The following STAB2 variants were observed in gnomAD, a reference collection of about 807,000 sequenced individuals.
STAB2 encodes stabilin-2.
A neutral mutation model predicts 338.1 loss-of-function variants in STAB2; 288 were observed. The ratio of observed to expected loss-of-function variants is 0.85; its 90% CI spans 0.77 to 0.94. The LOEUF is 0.94. Ranked by LOEUF, STAB2 falls within the 40% of genes least tolerant of loss-of-function variation. The pLI, the probability that STAB2 is intolerant of heterozygous loss-of-function variation, is 0.00. For synonymous variants in STAB2, 1,202 were observed against 1,193.3 expected, an observed-to-expected ratio of 1.01 and a Z score of -0.15; for missense variants, 3,141 against 3,210.1, an observed-to-expected ratio of 0.98 and a Z score of 0.52.
chr12:103,735,574 G>A lies in STAB2; in HGVS notation c.5544G>A (p.Arg1848=), dbSNP rs1419960307. ...SELSVKCGAG[R]DIGDLFLNGQ... ...TGAGTGTGAAATGTGGAGCTGGCAG[G>A]GACATCGTGAGTATCATCATGAAGG... is the stretch of plus-strand genomic sequence containing the variant. The change falls in exon 52 of 69, where the codon AGG becomes AGA. Residue 1848 remains arginine (R), a synonymous_variant. Transcript: ENST00000388887. 15 of 1,605,734 alleles carry A rather than the reference G, an allele frequency of 9.3e-6. No homozygotes were observed. In the Admixed American group the frequency reaches 2.5e-4, roughly 27 times the overall value.
At chr12:103,718,354 A>G (rs1593278755) in intron 44 of STAB2, among the ~76,000 whole-genome samples, 1 of 152,094 alleles carries the variant, frequency 6.6e-6, no homozygotes, top group Non-Finnish European at 1.5e-5. Flanking sequence ...ACTACCCTCC[A>G]TGGCCCCTAC....
At chr12:103,688,344 C>T (rs74810517) in intron 28 of STAB2, 129 bp downstream of exon 28, 10,839 of 887,050 alleles carry the variant, frequency 0.012, 414 homozygotes, top group African/African-American at 0.098. Context: ...TGTTTCTCAA[C>T]GCTGGCTGCA....
intron 66 of STAB2, 97 bp downstream of exon 66, chr12:103,761,507 T>C: frequency 1.8e-6 from 2 of 1,111,850 alleles, no homozygotes; most frequent in South Asian, 2.7e-5. Context: ...CTCCTCCCTC[T>C]TCCTCCAGAG....
intron 25 of STAB2, among the ~76,000 whole-genome samples, chr12:103,681,544 C>G (rs886882977): frequency 2.0e-5 from 3 of 151,766 alleles, no homozygotes; most frequent in African/African-American, 7.3e-5. Flanking sequence ...GACACATCAC[C>G]CTGATCTCTG....
chr12:103,764,173 G>A (rs547882853), intron 68 of STAB2, among the ~76,000 whole-genome samples: 5 of 152,146 alleles, frequency 3.3e-5, no homozygotes, highest in Admixed American at 2.0e-4. Context: ...GGCTGGTCTC[G>A]AACTCCCAAC....
At chr12:103,761,694 T>TC (rs1433068675) in intron 66 of STAB2, among the ~76,000 whole-genome samples, 1 of 152,040 alleles carries the variant, frequency 6.6e-6, no homozygotes, top group Non-Finnish European at 1.5e-5. Flanking sequence ...GAGTGAGAAA[T>TC]CCTAAGCTAT....
At chr12:103,682,245 A>G (rs766470870) in intron 25 of STAB2, among the ~76,000 whole-genome samples, 2 of 152,128 alleles carry the variant, frequency 1.3e-5, no homozygotes, top group Non-Finnish European at 2.9e-5. Context: ...ATTCTCTTTC[A>G]TTGACTCAGA....
At position 103,733,199 on chromosome 12, in the gene STAB2, C is replaced by A. The variant is rs1192153126; in HGVS notation, c.5460+17C>A. 3 of 1,612,054 alleles carry A rather than the reference C, an allele frequency of 1.9e-6. No individual in the cohort carries two copies. The highest frequency in any genetic ancestry group is 2.2e-5 in the South Asian group (2 of 90,660). The stretch of plus-strand genomic sequence containing the variant: ...GATGCCAAGGTATTTAGTTTACATG[C>A]AGACATAAGTGCAAGAATGTCCCAG... On this transcript the variant is annotated intron_variant, in intron 51 of 68. Coordinates refer to ENST00000388887, the MANE Select transcript of STAB2 (RefSeq NM_017564.10).
At chr12:103,670,122 G>A (rs992471610) in intron 21 of STAB2, among the ~76,000 whole-genome samples, 10 of 151,946 alleles carry the variant, frequency 6.6e-5, no homozygotes, top group African/African-American at 2.4e-4. Context: ...CATTTAATAA[G>A]CCCGCCTCTA....
In STAB2 at chr12:103,611,310, T is replaced by G. The variant is rs1458889720; in HGVS notation, c.332-9158T>G. Among the ~76,000 whole-genome samples, 8 of 152,308 alleles carry G rather than the reference T, an allele frequency of 5.3e-5. No individual in the cohort carries two copies. The East Asian group carries it at 1.5e-3, about 29-fold the overall frequency. On this transcript the variant is annotated intron_variant, in intron 3 of 68. Transcript: ENST00000388887. Reference sequence around the variant, plus strand: ...GGGTGTTAAAGTCTCCCATTATTATTGTGTGGGAGTCTGAGTCTCTTTGTA... The same window carrying G: ...GGGTGTTAAAGTCTCCCATTATTATGGTGTGGGAGTCTGAGTCTCTTTGTA...
chr12:103,763,736 G>A (rs953298936), intron 68 of STAB2, 128 bp downstream of exon 68: 10 of 911,332 alleles, frequency 1.1e-5, no homozygotes, highest in African/African-American at 8.3e-5. Context: ...CAGGTAACAA[G>A]CCTAAAAGCC....
intron 33 of STAB2, among the ~76,000 whole-genome samples, chr12:103,696,527 C>T (rs1878420820): frequency 6.6e-6 from 1 of 152,170 alleles, no homozygotes; most frequent in South Asian, 2.1e-4. Flanking sequence ...GTCATTTGGA[C>T]TTAGTCCTGT....
intron 3 of STAB2, among the ~76,000 whole-genome samples, chr12:103,612,091 G>GA (rs1220628470): frequency 6.6e-6 from 1 of 152,004 alleles, no homozygotes; most frequent in Non-Finnish European, 1.5e-5. Context: ...TGTGTAACCC[G>GA]ACCTTTCTCT....
chr12:103,757,631 T>C (rs1351201426), intron 63 of STAB2, among the ~76,000 whole-genome samples: 1 of 151,168 alleles, frequency 6.6e-6, no homozygotes, highest in East Asian at 1.9e-4. Context: ...GGAGAGGGAG[T>C]GAGCCATGCA....
intron 8 of STAB2, among the ~76,000 whole-genome samples, chr12:103,639,704 CAAA>C (rs11449305): frequency 6.5e-5 from 6 of 92,274 alleles, no homozygotes; most frequent in Admixed American, 1.3e-4. Flanking sequence ...GACCCTGTCT[CAAA>C]AAAAAAAAAA....
intron 22 of STAB2, among the ~76,000 whole-genome samples, chr12:103,672,550 C>T (rs928125004): frequency 1.3e-5 from 2 of 152,180 alleles, no homozygotes; most frequent in Non-Finnish European, 2.9e-5. Flanking sequence ...CAGGCCCGCT[C>T]ACTTGTGTTG....
chr12:103,610,794 A>C (rs895658253), intron 3 of STAB2, among the ~76,000 whole-genome samples: 1 of 152,140 alleles, frequency 6.6e-6, no homozygotes, highest in Non-Finnish European at 1.5e-5. Context: ...TGTCAATTTT[A>C]GATCTTTCCT....
rs756924045 is a variant in STAB2 at position 103,733,014 on chromosome 12, T to A, written c.5292T>A (p.Gly1764=). 11 of 1,613,530 alleles carry A rather than the reference T, an allele frequency of 6.8e-6. No individual in the cohort carries two copies. The highest frequency in any genetic ancestry group is 8.5e-6 in the Non-Finnish European group (10 of 1,179,782). ...GAATCCCTGTGTTTCAGGACTCAGG[T>A]TTGCTGAGTGTCATCACCGATCCCA... ...IKFSNLIQDS[G]LLSVITDPIH... is the part of the protein sequence containing the mutation. The change falls in exon 51 of 69, where the codon GGT becomes GGA. Residue 1764 remains glycine, a synonymous_variant. Transcript: ENST00000388887.
At chr12:103,738,198 G>A (rs1328252563) in intron 53 of STAB2, among the ~76,000 whole-genome samples, 1 of 152,074 alleles carries the variant, frequency 6.6e-6, no homozygotes, top group Non-Finnish European at 1.5e-5. Context: ...TATGAAAAGG[G>A]CAATTTCACA....
Sources: gnomAD v4.1 joint callset for allele counts (sites outside exome capture counted in the v4.1 genomes callset) on GRCh38, gnomAD v4.1.1 for gene constraint, MANE v1.5 for transcripts, NCBI Gene and HGNC (gene_info 2026-07-23, HGNC 2026-07-21) for gene names.